Variants in HTR1E observed in about 807,000 individuals in gnomAD.
The protein encoded by HTR1E is 5-hydroxytryptamine receptor 1E.
In HTR1E, 3 loss-of-function variants were observed where a neutral mutation model predicts 3.4. The observed-to-expected ratio is 0.89, with a 90% CI of 0.41 to 2.31. HTR1E has a LOEUF of 2.31. HTR1E is among the 30% of genes most tolerant of loss of function. The pLI is 0.05. For missense variants in HTR1E, 392 were observed against 467.0 expected (o/e 0.84, Z 1.48); for synonymous variants, 170 against 182.8 (o/e 0.93, Z 0.56).
Position 87,015,261 on chromosome 6 carries a change from C to A in HTR1E, c.-74C>A. The A allele has an allele frequency of 1.5e-6, 2 of 1,336,456 alleles. No homozygotes were observed. Among genetic ancestry groups the A allele is most frequent in the Non-Finnish European group, 2.0e-6 (2 of 995,912 alleles). The allele number at this position is 1,336,456 out of a possible 1,614,324, so 82.8% of individuals were successfully genotyped here. A position where few individuals can be genotyped will look rare whatever the true frequency, so the allele number is the denominator to read the frequency against. On this transcript the variant is annotated 5_prime_UTR_variant, in exon 2 of 2. Transcript: ENST00000305344. ...AGCCTCCTTACAAGTGAGAAACCTTCGAGGCTACATAGTTTTCAGCCAAAG... is the reference window on the plus strand; with the variant it reads ...AGCCTCCTTACAAGTGAGAAACCTTAGAGGCTACATAGTTTTCAGCCAAAG...
intron 1 of HTR1E, among the ~76,000 whole-genome samples, chr6:86,993,393 T>A (rs977473354): frequency 1.8e-4 from 28 of 152,172 alleles, no homozygotes; most frequent in African/African-American, 6.5e-4. Flanking sequence ...TTGGGAAAAC[T>A]AAATGCCTTC....
At chr6:86,952,450 C>G (rs573186702) in intron 1 of HTR1E, among the ~76,000 whole-genome samples, 1 of 151,752 alleles carries the variant, frequency 6.6e-6, no homozygotes, top group South Asian at 2.1e-4. Context: ...ACAGACACCC[C>G]AAAAAAGTTG....
At chr6:87,010,855 C>T (rs1052107259) in intron 1 of HTR1E, among the ~76,000 whole-genome samples, 13 of 152,118 alleles carry the variant, frequency 8.5e-5, no homozygotes, top group African/African-American at 2.4e-4. Flanking sequence ...CGCTGCCTCC[C>T]GGGCGGCGCT....
intron 1 of HTR1E, among the ~76,000 whole-genome samples, chr6:86,952,290 C>T (rs919360546): frequency 6.6e-6 from 1 of 152,126 alleles, no homozygotes; most frequent in African/African-American, 2.4e-5. Flanking sequence ...CTCTCACTCA[C>T]AGTTCAAATT....
chr6:86,999,936 T>A (rs924881518), intron 1 of HTR1E: 1 of 152,298 alleles, frequency 6.6e-6, no homozygotes, highest in African/African-American at 2.4e-5. Flanking sequence ...CAAAGCACCA[T>A]TTTAAACCAT....
At chr6:87,014,398 C>T (rs1014940981) in intron 1 of HTR1E, among the ~76,000 whole-genome samples, 8 of 151,890 alleles carry the variant, frequency 5.3e-5, no homozygotes, top group Admixed American at 2.6e-4. Flanking sequence ...GACAGTATGG[C>T]GATTCCTCAA....
chr6:86,973,684 T>C lies in HTR1E; in HGVS notation c.-186+35861T>C, dbSNP rs116230372. Among the ~76,000 whole-genome samples, 530 of 152,198 alleles carry C rather than the reference T, an allele frequency of 3.5e-3. 1 individual carries two copies. Among genetic ancestry groups the C allele is most frequent in the African/African-American group, 0.012 (509 of 41,514 alleles). Reference sequence around the variant, plus strand: ...AGATACTAATGAGACATAGGACATATAAAGAAGCATGACAAGAGACCGCAC... The same window carrying C: ...AGATACTAATGAGACATAGGACATACAAAGAAGCATGACAAGAGACCGCAC... On this transcript the variant is annotated intron_variant, in intron 1 of 1. Transcript: ENST00000305344.
chr6:86,957,816 G>A (rs571077695), intron 1 of HTR1E, among the ~76,000 whole-genome samples: 4 of 152,252 alleles, frequency 2.6e-5, no homozygotes, highest in Admixed American at 6.5e-5. Context: ...CTTGCATATC[G>A]AGATCTCATG....
intron 1 of HTR1E, among the ~76,000 whole-genome samples, chr6:86,958,942 G>GTGTA (rs1767363503): frequency 1.4e-5 from 1 of 70,186 alleles, no homozygotes; most frequent in Non-Finnish European, 2.8e-5. Context: ...TTGCACGTGT[G>GTGTA]TGTGTGTGTG....
intron 1 of HTR1E, among the ~76,000 whole-genome samples, chr6:86,956,136 G>A (rs184404087): frequency 7.2e-5 from 11 of 152,150 alleles, no homozygotes; most frequent in Non-Finnish European, 1.3e-4. Context: ...AAAAGAAATA[G>A]AAAGTATTTT....
In HTR1E at chr6:87,015,942, A is replaced by G; in HGVS notation, c.608A>G (p.Tyr203Cys). Residue 203 changes from tyrosine to cysteine, a missense_variant, in exon 2 of 2, where the codon TAC (tyrosine) becomes TGC (cysteine). Transcript: ENST00000305344. ...TTGACTTTGATACTGATTCTCTATT[A>G]CCGGATTTACCACGCGGCCAAGAGC... ...IPLTLILILY[Y>C]RIYHAAKSLY... 4 of 1,614,092 alleles carry G rather than the reference A, an allele frequency of 2.5e-6. No individual in the cohort carries two copies. The highest frequency in any genetic ancestry group is 3.4e-6 in the Non-Finnish European group (4 of 1,179,976).
At chr6:86,970,737 G>A (rs1051608892) in intron 1 of HTR1E, 17 of 189,850 alleles carry the variant, frequency 9.0e-5, no homozygotes, top group Non-Finnish European at 6.5e-5. Flanking sequence ...AGGATCAGAA[G>A]TTCCAATGGT....
chr6:86,945,447 T>A (rs912322988), intron 1 of HTR1E, among the ~76,000 whole-genome samples: 7 of 152,042 alleles, frequency 4.6e-5, no homozygotes, highest in African/African-American at 2.4e-5. Context: ...TTCACCATAT[T>A]GGCCATGCTG....
chr6:86,943,599 C>T (rs1392268443), intron 1 of HTR1E, among the ~76,000 whole-genome samples: 2 of 152,192 alleles, frequency 1.3e-5, no homozygotes, highest in African/African-American at 4.8e-5. Flanking sequence ...TCAAACTGCA[C>T]CTTGTGTTAT....
intron 1 of HTR1E, among the ~76,000 whole-genome samples, chr6:86,961,641 T>C (rs1055430133): frequency 1.2e-4 from 18 of 152,254 alleles, no homozygotes; most frequent in Non-Finnish European, 2.2e-4. Flanking sequence ...TAAGAAGCTC[T>C]GACTCGGTGA....
intron 1 of HTR1E, among the ~76,000 whole-genome samples, chr6:86,972,465 A>G (rs1235450482): frequency 2.6e-5 from 4 of 152,144 alleles, no homozygotes; most frequent in Non-Finnish European, 5.9e-5. Context: ...ATATTGTTGT[A>G]TGGGGCAGTT....
chr6:86,966,567 C>T (rs1432636511), intron 1 of HTR1E, among the ~76,000 whole-genome samples: 1 of 152,164 alleles, frequency 6.6e-6, no homozygotes, highest in Admixed American at 6.5e-5. Flanking sequence ...ATTGAATCTC[C>T]TCCTGTTTTG....
chr6:87,000,762 A>G (rs916017679), intron 1 of HTR1E, among the ~76,000 whole-genome samples: 2 of 152,232 alleles, frequency 1.3e-5, no homozygotes, highest in African/African-American at 4.8e-5. Context: ...AAGTTCTTCA[A>G]TCTGAAAGGG....
chr6:86,995,662 T>A (rs1462397521), intron 1 of HTR1E, among the ~76,000 whole-genome samples: 4 of 59,128 alleles, frequency 6.8e-5, no homozygotes, highest in Admixed American at 2.8e-4. Flanking sequence ...TGAGACTCCA[T>A]CTCAAAAAAA....
Sources: allele counts gnomAD v4.1 joint callset (sites outside exome capture counted in the v4.1 genomes callset), GRCh38; gene constraint gnomAD v4.1.1; transcripts MANE v1.5; gene names NCBI Gene and HGNC (gene_info 2026-07-23, HGNC 2026-07-21).